Variants in STAB2 observed in about 807,000 individuals in gnomAD.
STAB2 encodes stabilin-2.
In STAB2, 288 loss-of-function variants were observed where a neutral mutation model predicts 338.1. That is an observed-to-expected ratio of 0.85 (90% confidence interval 0.77 to 0.94). STAB2 has a LOEUF of 0.94. Among genes scored for constraint, STAB2 ranks in the 40% least tolerant of loss-of-function variants. The pLI is 0.00. For synonymous variants in STAB2, 1,202 were observed against 1,193.3 expected (o/e 1.01, Z -0.15); for missense variants, 3,141 against 3,210.1 (o/e 0.98, Z 0.52).
At chr12:103,712,657 A>G (rs528340497) in intron 41 of STAB2, among the ~76,000 whole-genome samples, 1 of 152,302 alleles carries the variant, frequency 6.6e-6, no homozygotes, top group South Asian at 2.1e-4. Flanking sequence ...GCTTTAAAAA[A>G]CAGTGATTTG....
At chr12:103,615,310 A>G (rs1034052753) in intron 3 of STAB2, among the ~76,000 whole-genome samples, 5 of 152,206 alleles carry the variant, frequency 3.3e-5, no homozygotes, top group African/African-American at 1.2e-4. Flanking sequence ...GCAGAGGGAG[A>G]CACCAATGCA....
Position 103,650,595 on chromosome 12 carries a change from A to G in STAB2, c.1257+17A>G. On this transcript the variant is annotated intron_variant, in intron 11 of 68. Coordinates refer to ENST00000388887, the MANE Select transcript of STAB2 (RefSeq NM_017564.10). Reference sequence around the variant, plus strand: ...GGATTCAATGTGAGTATTTAAAATGACCCTACACCAAGGGGCTAATATGAA... The same window carrying G: ...GGATTCAATGTGAGTATTTAAAATGGCCCTACACCAAGGGGCTAATATGAA... The G allele has an allele frequency of 6.2e-7, 1 of 1,607,094 alleles. No individual in the cohort carries two copies. Among genetic ancestry groups the G allele is most frequent in the South Asian group, 1.1e-5 (1 of 90,842 alleles).
chr12:103,646,220 T>C (rs1309163639), intron 9 of STAB2, among the ~76,000 whole-genome samples: 1 of 152,172 alleles, frequency 6.6e-6, no homozygotes, highest in African/African-American at 2.4e-5. Context: ...CTTCTAGAAT[T>C]AAATATTACT....
chr12:103,706,973 T>C lies in STAB2; in HGVS notation c.4178T>C (p.Ile1393Thr), dbSNP rs141132776. The C allele has an allele frequency of 7.6e-5, 122 of 1,614,186 alleles. No homozygotes were observed. In the African/African-American group the frequency reaches 1.5e-3, roughly 20 times the overall value. Reference protein sequence around the residue: ...CETCTEGKYGIHCDQACSCVH... With the variant: ...CETCTEGKYGTHCDQACSCVH... The stretch of plus-strand genomic sequence containing the variant: ...ACCTGCACCGAGGGCAAGTACGGCA[T>C]CCACTGTGACCAAGGTGAGCACCGT... The change falls in exon 38 of 69, where the codon ATC becomes ACC. Residue 1393 changes from isoleucine to threonine, a missense_variant. Physicochemically the swap from Ile to Thr is moderately conservative, Grantham distance 89. Transcript: ENST00000388887.
intron 2 of STAB2, 133 bp from the exon 3 acceptor site, chr12:103,594,262 A>G: frequency 1.6e-6 from 1 of 629,466 alleles, no homozygotes; most frequent in South Asian, 2.5e-5. Flanking sequence ...CTAGAAAGCC[A>G]AATGTGTTCC....
chr12:103,722,096 T>G (rs931118662), intron 44 of STAB2, among the ~76,000 whole-genome samples: 1 of 152,082 alleles, frequency 6.6e-6, no homozygotes, highest in Non-Finnish European at 1.5e-5. Context: ...GGTACAAACA[T>G]AGCGGTCATT....
chr12:103,607,005 A>G (rs1376077058), intron 3 of STAB2, among the ~76,000 whole-genome samples: 1 of 152,042 alleles, frequency 6.6e-6, no homozygotes. Flanking sequence ...AAAAAACAAA[A>G]ACAAAAACGA....
chr12:103,673,786 C>A, intron 22 of STAB2, 121 bp from the exon 23 acceptor site: 2 of 1,081,146 alleles, frequency 1.8e-6, no homozygotes, highest in Non-Finnish European at 2.6e-6. Context: ...AGCCCCGATT[C>A]TGCTTTGACA....
Position 103,649,786 on chromosome 12 carries a change from C to T in STAB2, c.1175-710C>T, listed in dbSNP as rs376932221. On this transcript the variant is annotated intron_variant, in intron 10 of 68. Transcript: ENST00000388887. ...GGGCAATCTACCAGTTTCCTCACAG[C>T]CTTACTCTAAGAACTCTTAGAATAC... Among the ~76,000 whole-genome samples the T allele has an allele frequency of 5.9e-5, 9 of 152,270 alleles. No homozygotes were observed. In the East Asian group the frequency reaches 1.4e-3, roughly 23 times the overall value.
At chr12:103,638,235 T>A in intron 8 of STAB2, 23 bp downstream of exon 8, 1 of 1,599,948 alleles carries the variant, frequency 6.3e-7, no homozygotes. Context: ...TGCAGGGAAC[T>A]GATGTATCTA....
At chr12:103,711,355 C>A (rs1031878510) in intron 39 of STAB2, 116 bp from the exon 40 acceptor site, 1 of 1,357,696 alleles carries the variant, frequency 7.4e-7, no homozygotes, top group South Asian at 1.3e-5. Flanking sequence ...AGTTTTATAT[C>A]GCTCACATGA....
chr12:103,653,073 A>G (rs1301497364), intron 12 of STAB2, among the ~76,000 whole-genome samples: 2 of 152,096 alleles, frequency 1.3e-5, no homozygotes, highest in African/African-American at 2.4e-5. Flanking sequence ...AATAGATTGT[A>G]TTTGTTTTAG....
intron 6 of STAB2, 53 bp downstream of exon 6, chr12:103,631,746 T>C (rs1957466750): frequency 1.3e-6 from 2 of 1,557,030 alleles, no homozygotes; most frequent in South Asian, 1.1e-5. Flanking sequence ...GGCACAAATG[T>C]ATGCATTTCA....
chr12:103,728,860 G>A lies in STAB2; in HGVS notation c.4947G>A (p.Trp1649Ter). 3 of 1,613,966 alleles carry A rather than the reference G, an allele frequency of 1.9e-6. 1 individual carries two copies. The highest frequency in any genetic ancestry group is 2.5e-6 in the Non-Finnish European group (3 of 1,179,862). The change falls in exon 48 of 69, where the codon TGG becomes TGA. Residue 1649 changes from tryptophan to a stop codon, truncating the protein, a stop_gained. Coordinates refer to ENST00000388887, the MANE Select transcript of STAB2 (RefSeq NM_017564.10). LOFTEE classifies it high-confidence loss of function. ...ATCTTCTGTTACAGGTTAAAGACTG[G>A]GACAAATACGGTTTAATGCCCCAGG... ...AFDEEARVKD[W>*]DKYGLMPQVL... is the part of the protein sequence containing the mutation.
Position 103,737,747 on chromosome 12 carries a change from C to G in STAB2, c.5664C>G (p.Gly1888=). 1 of 1,613,938 alleles carries G rather than the reference C, an allele frequency of 6.2e-7. No homozygotes were observed. The highest frequency in any genetic ancestry group is 8.5e-7 in the Non-Finnish European group (1 of 1,179,998). The change falls in exon 53 of 69, where the codon GGC becomes GGG. Residue 1888 remains glycine (G), a synonymous_variant. Coordinates refer to ENST00000388887, the MANE Select transcript of STAB2 (RefSeq NM_017564.10). ...DCLLIDPTLG[G]RCDTFTTFDA... Reference sequence around the variant, plus strand: ...TGCTGATTGATCCCACCCTGGGGGGCCGCTGTGACACCTTTACTACTTTCG... The same window carrying G: ...TGCTGATTGATCCCACCCTGGGGGGGCGCTGTGACACCTTTACTACTTTCG...
intron 21 of STAB2, among the ~76,000 whole-genome samples, chr12:103,670,092 A>G (rs1313523708): frequency 6.6e-6 from 1 of 152,240 alleles, no homozygotes; most frequent in Non-Finnish European, 1.5e-5. Flanking sequence ...TGGTTCATAC[A>G]GGGAAATTAT....
chr12:103,647,660 C>T (rs1024939847), intron 9 of STAB2, among the ~76,000 whole-genome samples: 2 of 152,196 alleles, frequency 1.3e-5, no homozygotes, highest in Admixed American at 6.5e-5. Context: ...AGAGGGTTAG[C>T]ATCATCTTAT....
chr12:103,623,337 G>T (rs910274863), intron 5 of STAB2, among the ~76,000 whole-genome samples: 2 of 152,146 alleles, frequency 1.3e-5, no homozygotes, highest in Non-Finnish European at 2.9e-5. Flanking sequence ...TGGGAATATG[G>T]TACCTTACAT....
At chr12:103,741,694 G>A (rs1882596661) in intron 55 of STAB2, among the ~76,000 whole-genome samples, 1 of 152,210 alleles carries the variant, frequency 6.6e-6, no homozygotes, top group Admixed American at 6.5e-5. Flanking sequence ...AGCTCAAGCA[G>A]TCCATCCATC....
Sources: gnomAD v4.1 joint callset for allele counts (sites outside exome capture counted in the v4.1 genomes callset) on GRCh38, gnomAD v4.1.1 for gene constraint, MANE v1.5 for transcripts, NCBI Gene and HGNC (gene_info 2026-07-23, HGNC 2026-07-21) for gene names.